Variants in TSNARE1 observed in about 807,000 individuals in gnomAD.
TSNARE1 encodes t-SNARE domain-containing protein 1.
TSNARE1 carries 49 observed loss-of-function variants against 62.0 expected under a neutral mutation model. That is an observed-to-expected ratio of 0.79 (90% confidence interval 0.63 to 1.00). The LOEUF is 1.00. TSNARE1 is among the 50% of genes least tolerant of loss of function. TSNARE1 has a pLI of 0.00. For synonymous variants in TSNARE1, 328 were observed against 294.4 expected (o/e 1.11, Z -1.17); for missense variants, 755 against 700.1 (o/e 1.08, Z -0.88).
At chr8:142,293,719 C>T (rs1586609669) in intron 10 of TSNARE1, among the ~76,000 whole-genome samples, 2 of 152,210 alleles carry the variant, frequency 1.3e-5, no homozygotes, top group African/African-American at 4.8e-5. Flanking sequence ...CTGGCCACCT[C>T]GGATCGAGGG....
chr8:142,366,667 C>T (rs1275535570), intron 1 of TSNARE1, among the ~76,000 whole-genome samples: 1 of 152,182 alleles, frequency 6.6e-6, no homozygotes, highest in Non-Finnish European at 1.5e-5. Context: ...CCTAAACGAG[C>T]ACCTTATTTA....
At chr8:142,252,773 G>T (rs1190526208) in intron 12 of TSNARE1, among the ~76,000 whole-genome samples, 1 of 152,182 alleles carries the variant, frequency 6.6e-6, no homozygotes, top group Non-Finnish European at 1.5e-5. Flanking sequence ...GCATGCTGCC[G>T]TGGTGACCTC....
At chr8:142,368,620 C>A (rs1205254856) in intron 1 of TSNARE1, among the ~76,000 whole-genome samples, 1 of 152,128 alleles carries the variant, frequency 6.6e-6, no homozygotes, top group Non-Finnish European at 1.5e-5. Context: ...AAGAATGAAG[C>A]CACCTGGGCG....
intron 12 of TSNARE1, among the ~76,000 whole-genome samples, chr8:142,241,196 A>C (rs1039162768): frequency 2.6e-5 from 4 of 152,238 alleles, no homozygotes; most frequent in Admixed American, 1.3e-4. Context: ...ATCCACATTC[A>C]AAAATCAGTC....
chr8:142,373,120 C>A (rs527993217), intron 1 of TSNARE1, among the ~76,000 whole-genome samples: 1 of 152,332 alleles, frequency 6.6e-6, no homozygotes, highest in Admixed American at 6.5e-5. Context: ...CTCCCTCAGC[C>A]TCTGTCTCTG....
rs985285505 is a variant in TSNARE1 at position 142,361,565 on chromosome 8, C to A, written c.-39-6802G>T. ...CTGTGGCCTCCACGGTGCCCACCTG[C>A]GGACCCAGTGTGGCTGAGCTCACGC... On this transcript the variant is annotated intron_variant, in intron 1 of 13. Transcript: ENST00000524325. Among the ~76,000 whole-genome samples, 3 of 152,214 alleles carry A rather than the reference C, an allele frequency of 2.0e-5. No individual in the cohort carries two copies. The South Asian group carries it at 6.2e-4, about 32-fold the overall frequency.
At chr8:142,365,766 A>G (rs989311566) in intron 1 of TSNARE1, 13 of 262,142 alleles carry the variant, frequency 5.0e-5, no homozygotes, top group South Asian at 4.1e-4. Context: ...ATTATGTCCA[A>G]AAGTCCTAAA....
At chr8:142,223,021 C>G in intron 13 of TSNARE1, among the ~76,000 whole-genome samples, 1 of 133,102 alleles carries the variant, frequency 7.5e-6, no homozygotes, top group South Asian at 2.7e-4. Flanking sequence ...CTCACTCACT[C>G]AGCCACTCAC....
chr8:142,241,177 G>A (rs1197676237), intron 12 of TSNARE1, among the ~76,000 whole-genome samples: 4 of 152,240 alleles, frequency 2.6e-5, no homozygotes, highest in Non-Finnish European at 4.4e-5. Context: ...GAAAGTTGCA[G>A]GATACAAAAT....
intron 2 of TSNARE1, among the ~76,000 whole-genome samples, chr8:142,346,434 G>T (rs111547631): frequency 0.011 from 1,656 of 152,348 alleles, 16 homozygotes; most frequent in Non-Finnish European, 0.015. Flanking sequence ...GGAACGCATC[G>T]TAATTTTCTC....
chr8:142,224,075 G>C (rs1816665397), intron 13 of TSNARE1, among the ~76,000 whole-genome samples: 1 of 152,180 alleles, frequency 6.6e-6, no homozygotes, highest in Non-Finnish European at 1.5e-5. Context: ...CCTCATCCTG[G>C]TGTGCAGGGT....
Position 142,300,559 on chromosome 8 carries a change from G to T in TSNARE1, c.1217C>A (p.Ala406Glu). 1.2e-6 allele frequency: 2 copies of T among 1,612,724 alleles called. No homozygotes were observed. The highest frequency in any genetic ancestry group is 1.7e-6 in the Non-Finnish European group (2 of 1,179,956). The change falls in exon 10 of 14, where the codon GCG (alanine) becomes GAG (glutamate). Residue 406 changes from alanine (A) to glutamate (E), a missense_variant. Physicochemically the swap from Ala to Glu is moderately radical, Grantham distance 107. Transcript: ENST00000524325. ...SDNMWQGQEQ[A>E]LLPDITEEDL... is the part of the protein sequence containing the mutation. ...CTCTTCAGTGATGTCCGGGAGCAGC[G>T]CCTGCTCCTGGCCCTGCCACATGTT... is the stretch of plus-strand genomic sequence containing the variant.
chr8:142,345,384 C>T (rs1422668673), intron 3 of TSNARE1, among the ~76,000 whole-genome samples: 2 of 152,234 alleles, frequency 1.3e-5, no homozygotes, highest in African/African-American at 2.4e-5. Context: ...CCCCAAACCA[C>T]AGCAAGCACT....
intron 1 of TSNARE1, among the ~76,000 whole-genome samples, chr8:142,394,637 C>T (rs1033195295): frequency 6.6e-6 from 1 of 152,234 alleles, no homozygotes; most frequent in African/African-American, 2.4e-5. Flanking sequence ...CACAGCTCTG[C>T]TCTGTGCTTG....
chr8:142,247,545 G>C (rs1220805882), intron 12 of TSNARE1: 1 of 152,288 alleles, frequency 6.6e-6, no homozygotes, highest in East Asian at 1.9e-4. Flanking sequence ...ATTGGCCTCA[G>C]GACAAAACAT....
intron 12 of TSNARE1, chr8:142,271,336 G>T: frequency 1.7e-6 from 2 of 1,170,218 alleles, no homozygotes; most frequent in Non-Finnish European, 2.1e-6. Flanking sequence ...GCAGCAGCAG[G>T]TTTTGCTGGG....
intron 12 of TSNARE1, among the ~76,000 whole-genome samples, chr8:142,253,373 C>T (rs977714420): frequency 2.6e-5 from 4 of 152,312 alleles, no homozygotes; most frequent in East Asian, 3.9e-4. Context: ...GACAAGGTTC[C>T]GGGCATGAGG....
chr8:142,223,157 TTCAC>T (rs527838832), intron 13 of TSNARE1, among the ~76,000 whole-genome samples: 17,299 of 77,552 alleles, frequency 0.22, 3,914 homozygotes, highest in Non-Finnish European at 0.3. Context: ...CACTCACTCA[TTCAC>T]TCACTCACTC....
At chr8:142,273,960 G>A in intron 12 of TSNARE1, 1 of 985,222 alleles carries the variant, frequency 1.0e-6, no homozygotes, top group Non-Finnish European at 1.2e-6. Flanking sequence ...CACACCCACT[G>A]CACCATCTCG....
Sources: allele counts gnomAD v4.1 joint callset (sites outside exome capture counted in the v4.1 genomes callset), GRCh38; gene constraint gnomAD v4.1.1; transcripts MANE v1.5; gene names NCBI Gene and HGNC (gene_info 2026-07-23, HGNC 2026-07-21).